Variants in CDK17 observed in about 807,000 individuals in gnomAD.
CDK17 encodes the protein cyclin-dependent kinase 17.
Under a neutral mutation model 77.6 loss-of-function variants are expected in CDK17, and 24 were observed. That is an observed-to-expected ratio of 0.31 (90% CI 0.22 to 0.44). The LOEUF (loss-of-function observed/expected upper bound fraction) is 0.44, where lower values mean the gene tolerates loss of function less well. Ranked by LOEUF, CDK17 falls within the 20% of genes least tolerant of loss-of-function variation. CDK17 has a pLI of 1.00. For synonymous variants in CDK17, 203 were observed against 210.4 expected, an observed-to-expected ratio of 0.96 and a Z score of 0.30; for missense variants, 429 against 622.5, an observed-to-expected ratio of 0.69 and a Z score of 3.31.
intron 14 of CDK17, 151 bp from the exon 15 acceptor site, chr12:96,282,750 A>G (rs1361442867): frequency 3.8e-6 from 2 of 531,832 alleles, no homozygotes; most frequent in Non-Finnish European, 6.8e-6. Context: ...GGAATACTCC[A>G]GTTATACTCT....
chr12:96,308,218 G>A (rs986771372), intron 5 of CDK17, among the ~76,000 whole-genome samples: 2 of 118,928 alleles, frequency 1.7e-5, no homozygotes, highest in African/African-American at 6.1e-5. Flanking sequence ...AACACAGTGA[G>A]ATGCCATCTC....
chr12:96,365,675 A>G (rs964841338), intron 1 of CDK17, among the ~76,000 whole-genome samples: 4 of 152,260 alleles, frequency 2.6e-5, no homozygotes, highest in African/African-American at 9.6e-5. Context: ...TTACTATGCT[A>G]CCAAAATGTG....
chr12:96,286,155 TAAA>T lies in CDK17; in HGVS notation c.1217-10_1217-8del. 1 of 915,840 alleles carries T rather than the reference TAAA, an allele frequency of 1.1e-6. No individual in the cohort carries two copies. The highest frequency in any genetic ancestry group is 1.5e-6 in the Non-Finnish European group (1 of 665,642). The allele number at this position is 915,840 out of a possible 1,614,324, so 56.7% of individuals were successfully genotyped here. A position where few individuals can be genotyped will look rare whatever the true frequency, so the allele number is the denominator to read the frequency against. On this transcript the variant is annotated splice_polypyrimidine_tract_variant and splice_region_variant and intron_variant, in intron 12 of 16. Coordinates refer to ENST00000261211, the MANE Select transcript of CDK17 (RefSeq NM_002595.5). ...GTTTCCTGAGATGGAGTTCCTGAAT[TAAA>T]AAAAAAAATTAAATATATTTATAAA... is the stretch of plus-strand genomic sequence containing the variant.
chr12:96,375,852 A>C (rs529628767), intron 1 of CDK17, among the ~76,000 whole-genome samples: 2 of 152,074 alleles, frequency 1.3e-5, no homozygotes, highest in African/African-American at 2.4e-5. Context: ...TAAGCTGCAG[A>C]CTCACCTATC....
chr12:96,363,591 T>C (rs963625211), intron 1 of CDK17, among the ~76,000 whole-genome samples: 6 of 152,130 alleles, frequency 3.9e-5, no homozygotes, highest in Admixed American at 6.5e-5. Context: ...CTCATGCCTG[T>C]AATCCCAGCA....
In CDK17 at chr12:96,398,610, C is replaced by A. The variant is rs76174110; in HGVS notation, c.-30+1376G>T. ...TGCTGTGATCTTCTCACACGAACGC[C>A]TTTTAAAAGAAATCTTTCAACAAAG... On this transcript the variant is annotated intron_variant, in intron 1 of 16. Coordinates refer to ENST00000261211, the MANE Select transcript of CDK17 (RefSeq NM_002595.5). Among the ~76,000 whole-genome samples, 424 of 152,290 alleles carry A rather than the reference C, an allele frequency of 2.8e-3. 3 individuals are homozygous for A. Among genetic ancestry groups the A allele is most frequent in the African/African-American group, 9.7e-3 (403 of 41,542 alleles).
intron 13 of CDK17, chr12:96,284,290 G>A (rs910541784): frequency 2.0e-5 from 3 of 152,042 alleles, no homozygotes; most frequent in Non-Finnish European, 4.4e-5. Context: ...CTAACATAGT[G>A]AAACCCCGTC....
rs530053755 is a variant in CDK17 at position 96,337,851 on chromosome 12, G to A, written c.-29-2986C>T. The stretch of plus-strand genomic sequence containing the variant: ...CCTGTGCAGTCAAGAAATAACTAGG[G>A]AGGCTTGGGGTACTCTAACTCTGCA... On this transcript the variant is annotated intron_variant, in intron 1 of 16. Coordinates refer to ENST00000261211, the MANE Select transcript of CDK17 (RefSeq NM_002595.5). Among the ~76,000 whole-genome samples, 69 of 152,240 alleles carry A rather than the reference G, an allele frequency of 4.5e-4. No individual in the cohort carries two copies. In the South Asian group the frequency reaches 0.014, roughly 31 times the overall value.
chr12:96,329,557 C>G (rs1031907507), intron 2 of CDK17, among the ~76,000 whole-genome samples: 1 of 152,184 alleles, frequency 6.6e-6, no homozygotes, highest in African/African-American at 2.4e-5. Flanking sequence ...CAAACCTGCT[C>G]TTTCAAACAT....
chr12:96,318,125 CA>C (rs1358835366), intron 3 of CDK17, among the ~76,000 whole-genome samples: 1 of 149,006 alleles, frequency 6.7e-6, no homozygotes. Flanking sequence ...AAATGGAAAA[CA>C]AAAAAAAGCA....
chr12:96,386,649 C>T (rs1230783741), intron 1 of CDK17, among the ~76,000 whole-genome samples: 2 of 151,938 alleles, frequency 1.3e-5, no homozygotes, highest in African/African-American at 4.8e-5. Flanking sequence ...CAGAAAGAGG[C>T]CTTGTCTCAA....
chr12:96,297,384 G>A (rs1451937408), intron 8 of CDK17, 52 bp from the exon 9 acceptor site: 3 of 1,205,462 alleles, frequency 2.5e-6, no homozygotes, highest in Non-Finnish European at 2.4e-6. Context: ...AGAATGTTGT[G>A]ACTGGTTCAC....
intron 3 of CDK17, among the ~76,000 whole-genome samples, chr12:96,316,648 C>T (rs1489608866): frequency 6.1e-5 from 8 of 131,272 alleles, no homozygotes; most frequent in Non-Finnish European, 9.8e-5. Context: ...GTCCCTGACC[C>T]CCTGACCCCC....
intron 5 of CDK17, among the ~76,000 whole-genome samples, chr12:96,304,732 C>A (rs1055806887): frequency 6.6e-6 from 1 of 152,182 alleles, no homozygotes; most frequent in Non-Finnish European, 1.5e-5. Context: ...ATTATCATCA[C>A]CACAATACCA....
chr12:96,385,607 A>T (rs1176319705), intron 1 of CDK17, among the ~76,000 whole-genome samples: 2 of 152,178 alleles, frequency 1.3e-5, no homozygotes, highest in Non-Finnish European at 2.9e-5. Flanking sequence ...CAAACACTAA[A>T]AGTAACAGCC....
intron 5 of CDK17, among the ~76,000 whole-genome samples, chr12:96,302,035 A>G (rs1207891873): frequency 1.3e-5 from 2 of 152,154 alleles, no homozygotes; most frequent in African/African-American, 4.8e-5. Context: ...TTATTTTTGC[A>G]TTCTATGACA....
intron 7 of CDK17, 33 bp from the exon 8 acceptor site, chr12:96,297,754 G>A: frequency 8.6e-7 from 1 of 1,158,232 alleles, no homozygotes; most frequent in Non-Finnish European, 1.3e-6. Context: ...TGTTTAGTCT[G>A]TGGCAGTCTT....
intron 1 of CDK17, among the ~76,000 whole-genome samples, chr12:96,388,124 G>GA (rs1954006660): frequency 2.0e-5 from 3 of 151,612 alleles, no homozygotes; most frequent in Admixed American, 2.0e-4. Context: ...AAAAAGAAAA[G>GA]AAAAACTCTA....
rs1321919173 is a variant in CDK17 at position 96,368,516 on chromosome 12, GC to G, written c.-30+31469del. Among the ~76,000 whole-genome samples the G allele has an allele frequency of 2.0e-5, 3 of 152,168 alleles. No individual in the cohort carries two copies. In the East Asian group the frequency reaches 5.8e-4, roughly 29 times the overall value. Reference sequence around the variant, plus strand: ...AGGCAGCCAGCAAAAGAGCTCTGGAGCCCTCTCTGGGCACCGTGCCTCCTAA... The same window carrying G: ...AGGCAGCCAGCAAAAGAGCTCTGGAGCCTCTCTGGGCACCGTGCCTCCTAA... On this transcript the variant is annotated intron_variant, in intron 1 of 16. Coordinates refer to ENST00000261211, the MANE Select transcript of CDK17 (RefSeq NM_002595.5).
Sources: gnomAD v4.1 joint callset for allele counts (sites outside exome capture counted in the v4.1 genomes callset) on GRCh38, gnomAD v4.1.1 for gene constraint, MANE v1.5 for transcripts, NCBI Gene and HGNC (gene_info 2026-07-23, HGNC 2026-07-21) for gene names.